GPHN: variants seen among roughly 807,000 people sequenced by gnomAD.
GPHN encodes gephyrin.
GPHN carries 17 observed loss-of-function variants against 95.5 expected under a neutral mutation model. The ratio of observed to expected loss-of-function variants is 0.18; its 90% CI spans 0.12 to 0.27. The LOEUF (loss-of-function observed/expected upper bound fraction) is 0.27, where lower values mean the gene tolerates loss of function less well. GPHN is among the 10% of genes least tolerant of loss of function. The pLI, the probability that GPHN is intolerant of heterozygous loss-of-function variation, is 1.00. For synonymous variants in GPHN, 320 were observed against 322.5 expected, an observed-to-expected ratio of 0.99 and a Z score of 0.08; for missense variants, 660 against 978.1, an observed-to-expected ratio of 0.67 and a Z score of 4.34.
chr14:66,962,506 A>C (rs1422622769), intron 8 of GPHN, among the ~76,000 whole-genome samples: 7 of 151,638 alleles, frequency 4.6e-5, no homozygotes, highest in African/African-American at 1.7e-4. Context: ...CACTCTCCTA[A>C]AGTCATCTTT....
chr14:66,832,586 GA>G lies in GPHN; in HGVS notation c.294+8022del, dbSNP rs1305888832. 5.3e-5 allele frequency among the ~76,000 whole-genome samples: 8 copies of G among 151,880 alleles called. No homozygotes were observed. In the East Asian group the frequency reaches 1.5e-3, roughly 29 times the overall value. On this transcript the variant is annotated intron_variant, in intron 4 of 22. Transcript: ENST00000478722. ...ATTTTTGTATTGTCCACTGAAAGCA[GA>G]ATTTTTTTTTTTGTATCATAGGCAC...
the GPHN span, chr14:67,727,030 C>A: frequency 6.8e-6 from 11 of 1,613,694 alleles, no homozygotes; most frequent in Non-Finnish European, 8.5e-6. Context: ...AGGTGTCTGC[C>A]CCTGCACGGG....
At chr14:66,899,973 T>C (rs916883729) in intron 5 of GPHN, among the ~76,000 whole-genome samples, 2 of 151,952 alleles carry the variant, frequency 1.3e-5, no homozygotes, top group African/African-American at 4.8e-5. Context: ...ATTTTATATA[T>C]GGTTAATGTA....
At chr14:66,672,879 A>G (rs949206747) in intron 1 of GPHN, among the ~76,000 whole-genome samples, 5 of 152,052 alleles carry the variant, frequency 3.3e-5, no homozygotes, top group Non-Finnish European at 7.4e-5. Context: ...CTGTTTTTTA[A>G]TTGGTGCATT....
At chr14:66,624,449 G>C (rs889732092) in intron 1 of GPHN, among the ~76,000 whole-genome samples, 6 of 152,188 alleles carry the variant, frequency 3.9e-5, no homozygotes, top group Admixed American at 2.6e-4. Context: ...CATGTACAAA[G>C]TTTACTCTAT....
At chr14:67,296,880 C>G in the GPHN span, among the ~76,000 whole-genome samples, 1 of 152,068 alleles carries the variant, frequency 6.6e-6, no homozygotes, top group African/African-American at 2.4e-5. Context: ...GACTCAAACT[C>G]TTGGGCTCAA....
the GPHN span, chr14:67,397,809 G>A: frequency 1.2e-5 from 19 of 1,611,438 alleles, no homozygotes; most frequent in Admixed American, 1.7e-5. Flanking sequence ...GCGCCTTCCA[G>A]TTGTGGACAA....
the GPHN span, among the ~76,000 whole-genome samples, chr14:67,622,813 A>T: frequency 1.3e-5 from 2 of 152,214 alleles, no homozygotes; most frequent in African/African-American, 4.8e-5. Flanking sequence ...GAGATTCCTG[A>T]CAAGAAGCGG....
chr14:67,638,153 T>C, the GPHN span, among the ~76,000 whole-genome samples: 1 of 152,296 alleles, frequency 6.6e-6, no homozygotes, highest in South Asian at 2.1e-4. Flanking sequence ...GTTTGAGCCA[T>C]ATTTTGGGCT....
At chr14:67,545,691 T>G in the GPHN span, among the ~76,000 whole-genome samples, 1 of 152,240 alleles carries the variant, frequency 6.6e-6, no homozygotes, top group Non-Finnish European at 1.5e-5. Flanking sequence ...ATATTCAGTG[T>G]ATTTGTACAG....
At chr14:67,690,320 G>A in the GPHN span, 1 of 1,614,102 alleles carries the variant, frequency 6.2e-7, no homozygotes. Flanking sequence ...TTATGGAAGT[G>A]GATCCTTCCC....
rs191284771 is a variant in GPHN, at chr14:67,112,984, A to G, written c.1473-34A>G. ...TGAGTTGAGAAAATGTTGTTCTCTAATCACACTGCTTATGGTTCTGCTTTG... is the reference window on the plus strand; with the variant it reads ...TGAGTTGAGAAAATGTTGTTCTCTAGTCACACTGCTTATGGTTCTGCTTTG... On this transcript the variant is annotated intron_variant, in intron 15 of 22. Transcript: ENST00000478722. 8 of 1,607,600 alleles carry G rather than the reference A, an allele frequency of 5.0e-6. No individual in the cohort carries two copies. The Admixed American group carries it at 8.3e-5, about 17-fold the overall frequency.
At chr14:67,593,717 G>A in the GPHN span, 10 of 1,459,400 alleles carry the variant, frequency 6.9e-6, no homozygotes, top group Non-Finnish European at 9.6e-6. Context: ...AGAGAGGCCT[G>A]TAATACTTAC....
chr14:66,666,254 A>AAT (rs751817321), intron 1 of GPHN, among the ~76,000 whole-genome samples: 71 of 150,424 alleles, frequency 4.7e-4, no homozygotes, highest in East Asian at 1.9e-3. Flanking sequence ...GTATAATAAA[A>AAT]ATATATATAT....
At chr14:67,701,531 C>A in the GPHN span, among the ~76,000 whole-genome samples, 1 of 141,208 alleles carries the variant, frequency 7.1e-6, no homozygotes, top group East Asian at 2.1e-4. Flanking sequence ...TCAAGTGATT[C>A]TCCCGCCTCA....
At chr14:67,301,415 T>A in the GPHN span, 1 of 1,610,536 alleles carries the variant, frequency 6.2e-7, no homozygotes, top group Non-Finnish European at 8.5e-7. Flanking sequence ...AGCCAGTTCA[T>A]CATAAGGAAG....
the GPHN span, chr14:67,573,740 A>G: frequency 9.3e-7 from 1 of 1,071,404 alleles, no homozygotes; most frequent in South Asian, 1.2e-5. This position sits in a 1 kb window ranked among gnomAD's most constrained non-coding sequence, Gnocchi z 4.8. Context: ...CTGAGGGTAA[A>G]TGAGGTGCTC....
intron 1 of GPHN, among the ~76,000 whole-genome samples, chr14:66,562,448 A>G (rs569477488): frequency 6.6e-6 from 1 of 152,258 alleles, no homozygotes; most frequent in African/African-American, 2.4e-5. Context: ...TCCAATTTTT[A>G]TTTGTCAATT....
the GPHN span, among the ~76,000 whole-genome samples, chr14:67,290,839 A>C: frequency 6.6e-6 from 1 of 152,236 alleles, no homozygotes; most frequent in East Asian, 1.9e-4. Flanking sequence ...CTGGCCAGGA[A>C]TGATTATTTA....
Sources: gnomAD v4.1 joint callset for allele counts (sites outside exome capture counted in the v4.1 genomes callset) on GRCh38, gnomAD v4.1.1 for gene constraint, Gnocchi (gnomAD v3.1) non-coding constraint, MANE v1.5 for transcripts, NCBI Gene and HGNC (gene_info 2026-07-23, HGNC 2026-07-21) for gene names.